The following RORA variants were observed in gnomAD, a reference collection of about 807,000 sequenced individuals.
RORA encodes nuclear receptor ROR-alpha.
Under a neutral mutation model 69.5 loss-of-function variants are expected in RORA, and 7 were observed. That is an observed-to-expected ratio of 0.10 (90% CI 0.06 to 0.19). The LOEUF (loss-of-function observed/expected upper bound fraction) is 0.19. Among genes scored for constraint, RORA ranks in the 10% least tolerant of loss-of-function variants. The pLI is 1.00. For missense variants in RORA, 457 were observed against 663.0 expected (o/e 0.69, Z 3.41); for synonymous variants, 261 against 240.8 (o/e 1.08, Z -0.78).
intron 1 of RORA, among the ~76,000 whole-genome samples, chr15:60,821,464 A>G (rs2072893063): frequency 6.6e-6 from 1 of 152,172 alleles, no homozygotes; most frequent in Non-Finnish European, 1.5e-5. Flanking sequence ...TTCACCACCC[A>G]AAGTGGCTCA....
At chr15:61,107,407 G>C (rs554004936) in intron 1 of RORA, among the ~76,000 whole-genome samples, 1 of 152,176 alleles carries the variant, frequency 6.6e-6, no homozygotes, top group Admixed American at 6.5e-5. Context: ...AAAGTTCTTT[G>C]TTCTTTTGCT....
At chr15:61,185,141 G>A (rs919666492) in intron 1 of RORA, among the ~76,000 whole-genome samples, 15 of 152,202 alleles carry the variant, frequency 9.9e-5, no homozygotes, top group East Asian at 3.9e-4. Flanking sequence ...AAGCTGTTTC[G>A]CAGGTCCTTT....
At chr15:60,737,138 G>A (rs2071512172) in intron 1 of RORA, among the ~76,000 whole-genome samples, 1 of 152,128 alleles carries the variant, frequency 6.6e-6, no homozygotes. Flanking sequence ...GATGCCAGTG[G>A]GTGGTTAGGG....
chr15:60,917,365 T>C (rs937411918), intron 1 of RORA, among the ~76,000 whole-genome samples: 7 of 152,238 alleles, frequency 4.6e-5, no homozygotes, highest in African/African-American at 1.7e-4. Context: ...TATAAATCTA[T>C]CATCCCTGAA....
intron 1 of RORA, among the ~76,000 whole-genome samples, chr15:60,918,509 T>C (rs188964820): frequency 2.6e-5 from 4 of 152,358 alleles, no homozygotes; most frequent in East Asian, 1.9e-4. Context: ...GGAATTGCCA[T>C]GTAGAAACTG....
intron 3 of RORA, among the ~76,000 whole-genome samples, chr15:60,523,036 T>TCAAAAAAAAAACACA (rs559205722): frequency 9.9e-6 from 1 of 101,362 alleles, no homozygotes; most frequent in Non-Finnish European, 2.3e-5. Flanking sequence ...AGACTCTGCC[T>TCAAAAAAAAAACACA]CAAAAAAAAA....
chr15:60,698,628 G>C (rs554476369), intron 1 of RORA, among the ~76,000 whole-genome samples: 1 of 105,656 alleles, frequency 9.5e-6, no homozygotes, highest in African/African-American at 3.2e-5. Context: ...TTTGGCATTT[G>C]TGTTTTTTTT....
At chr15:60,633,575 G>C (rs898930426) in intron 2 of RORA, among the ~76,000 whole-genome samples, 2 of 152,256 alleles carry the variant, frequency 1.3e-5, no homozygotes, top group African/African-American at 2.4e-5. Flanking sequence ...ACAGGTAATT[G>C]AGCCTCCTGG....
chr15:60,554,965 G>T (rs886168383), intron 2 of RORA, among the ~76,000 whole-genome samples: 8 of 151,856 alleles, frequency 5.3e-5, no homozygotes, highest in African/African-American at 1.7e-4. Flanking sequence ...AAAATATATT[G>T]TAATAAGTCT....
intron 1 of RORA, among the ~76,000 whole-genome samples, chr15:60,740,778 T>C (rs2071565538): frequency 6.6e-6 from 1 of 152,252 alleles, no homozygotes; most frequent in African/African-American, 2.4e-5. Context: ...TTAACTGTTC[T>C]GCTCTTCATA....
At chr15:60,671,089 T>TATATATATATATATATATATATATATAG (rs2070459771) in intron 2 of RORA, among the ~76,000 whole-genome samples, 1 of 145,542 alleles carries the variant, frequency 6.9e-6, no homozygotes, top group African/African-American at 2.7e-5. Context: ...TATATATATA[T>TATATATATATATATATATATATATATAG]ATATATATCT....
At chr15:60,972,823 C>T (rs1421863454) in intron 1 of RORA, among the ~76,000 whole-genome samples, 1 of 152,242 alleles carries the variant, frequency 6.6e-6, no homozygotes, top group Non-Finnish European at 1.5e-5. Context: ...TAAGGACTGA[C>T]AAAAGAATAA....
intron 1 of RORA, among the ~76,000 whole-genome samples, chr15:60,697,409 T>C (rs1398875527): frequency 4.6e-5 from 7 of 152,192 alleles, no homozygotes; most frequent in African/African-American, 1.7e-4. Context: ...GCCTCCCTTC[T>C]TCCATCTTCC....
At chr15:60,904,511 C>T (rs981690440) in intron 1 of RORA, among the ~76,000 whole-genome samples, 1 of 152,194 alleles carries the variant, frequency 6.6e-6, no homozygotes, top group Non-Finnish European at 1.5e-5. Flanking sequence ...AGCCACAAGT[C>T]AGCAAGTAAA....
At chr15:60,981,815 AGACAGTTACTGTT>A (rs1296816587) in intron 1 of RORA, among the ~76,000 whole-genome samples, 3 of 146,002 alleles carry the variant, frequency 2.1e-5, no homozygotes, top group Non-Finnish European at 4.5e-5. Context: ...ACTTTCTCAA[AGACAGTTACTGTT>A]GATTGCTTTT....
chr15:61,140,338 G>C (rs966503222), intron 1 of RORA, among the ~76,000 whole-genome samples: 4 of 152,144 alleles, frequency 2.6e-5, no homozygotes, highest in African/African-American at 9.7e-5. Context: ...GCCTGGTAGG[G>C]ATACTTAACA....
At chr15:60,805,284 T>C (rs2072644280) in intron 1 of RORA, among the ~76,000 whole-genome samples, 1 of 152,224 alleles carries the variant, frequency 6.6e-6, no homozygotes, top group African/African-American at 2.4e-5. Flanking sequence ...GTCAGTCATT[T>C]GAACCAGAAA....
chr15:60,931,816 G>C (rs975314408), intron 1 of RORA, among the ~76,000 whole-genome samples: 2 of 152,204 alleles, frequency 1.3e-5, no homozygotes, highest in African/African-American at 4.8e-5. Context: ...ACTCAAAACA[G>C]TTGGCTGAGT....
At chr15:61,109,769 G>A (rs1178105192) in intron 1 of RORA, among the ~76,000 whole-genome samples, 1 of 152,112 alleles carries the variant, frequency 6.6e-6, no homozygotes, top group Non-Finnish European at 1.5e-5. Context: ...TGTTACCTTG[G>A]CAAGTTATTT....
Sources: gnomAD v4.1 joint callset for allele counts (sites outside exome capture counted in the v4.1 genomes callset) on GRCh38, gnomAD v4.1.1 for gene constraint, MANE v1.5 for transcripts, NCBI Gene and HGNC (gene_info 2026-07-23, HGNC 2026-07-21) for gene names.